Variants in CLSTN2 observed in about 807,000 individuals in gnomAD.
CLSTN2 encodes the protein calsyntenin 2.
CLSTN2 carries 48 observed loss-of-function variants against 101.2 expected under a neutral mutation model. The ratio of observed to expected loss-of-function variants is 0.47; its 90% CI spans 0.38 to 0.60. CLSTN2 has a LOEUF of 0.60. CLSTN2 is among the 20% of genes least tolerant of loss of function. The pLI is 0.00. For synonymous variants in CLSTN2, 481 were observed against 463.6 expected (o/e 1.04, Z -0.48); for missense variants, 1,160 against 1,238.2 (o/e 0.94, Z 0.95).
At chr3:140,491,712 C>T (rs929165569) in intron 8 of CLSTN2, among the ~76,000 whole-genome samples, 1 of 152,150 alleles carries the variant, frequency 6.6e-6, no homozygotes, top group Non-Finnish European at 1.5e-5. Flanking sequence ...GTCCCAGCTA[C>T]TCAGGAGGCT....
chr3:140,086,714 C>G (rs2008689455), intron 1 of CLSTN2, among the ~76,000 whole-genome samples: 1 of 152,182 alleles, frequency 6.6e-6, no homozygotes, highest in African/African-American at 2.4e-5. Context: ...CCCTGGATAT[C>G]ACTGTGTATC....
At chr3:140,020,678 T>C (rs1256993306) in intron 1 of CLSTN2, among the ~76,000 whole-genome samples, 1 of 152,066 alleles carries the variant, frequency 6.6e-6, no homozygotes, top group African/African-American at 2.4e-5. Flanking sequence ...AATAGCATCT[T>C]CTCCTCCCGC....
chr3:140,272,127 A>G (rs1179698917), intron 2 of CLSTN2, among the ~76,000 whole-genome samples: 1 of 152,142 alleles, frequency 6.6e-6, no homozygotes, highest in African/African-American at 2.4e-5. Flanking sequence ...ATAAAGGACA[A>G]CCTTCTCTAT....
intron 2 of CLSTN2, among the ~76,000 whole-genome samples, chr3:140,299,210 T>A (rs1351568321): frequency 6.6e-6 from 1 of 152,198 alleles, no homozygotes; most frequent in Non-Finnish European, 1.5e-5. Flanking sequence ...CAGCCCTGTC[T>A]AGGGAGGAAG....
At chr3:140,102,147 A>G (rs1391037098) in intron 1 of CLSTN2, among the ~76,000 whole-genome samples, 1 of 152,194 alleles carries the variant, frequency 6.6e-6, no homozygotes, top group African/African-American at 2.4e-5. Context: ...CTTCCTATAA[A>G]CTGCTGTCTA....
chr3:140,521,902 A>T (rs1302913667), intron 8 of CLSTN2, among the ~76,000 whole-genome samples: 1 of 152,084 alleles, frequency 6.6e-6, no homozygotes, highest in Non-Finnish European at 1.5e-5. Flanking sequence ...CCCTGGATAG[A>T]GCCCGCCTCC....
At chr3:140,494,228 G>A (rs1934405898) in intron 8 of CLSTN2, among the ~76,000 whole-genome samples, 1 of 152,074 alleles carries the variant, frequency 6.6e-6, no homozygotes, top group African/African-American at 2.4e-5. Context: ...CTCCTTCAAG[G>A]GTTCATCTTA....
At chr3:139,937,420 A>T (rs138714279) in intron 1 of CLSTN2, among the ~76,000 whole-genome samples, 7 of 152,124 alleles carry the variant, frequency 4.6e-5, no homozygotes, top group Admixed American at 1.3e-4. Context: ...GACTTAGAAC[A>T]TATTCATTTT....
chr3:140,536,848 GAAA>G (rs1403194801), intron 9 of CLSTN2, among the ~76,000 whole-genome samples: 6 of 152,224 alleles, frequency 3.9e-5, no homozygotes, highest in South Asian at 2.1e-4. Flanking sequence ...ACGTGAACCA[GAAA>G]GAGTGGAATC....
chr3:140,045,479 C>G (rs1469581644), intron 1 of CLSTN2, among the ~76,000 whole-genome samples: 1 of 152,096 alleles, frequency 6.6e-6, no homozygotes, highest in Non-Finnish European at 1.5e-5. Flanking sequence ...AAAACCAGCT[C>G]CTGGATTCAT....
intron 2 of CLSTN2, among the ~76,000 whole-genome samples, chr3:140,375,447 G>C (rs77002682): frequency 5.1e-4 from 77 of 152,286 alleles, no homozygotes; most frequent in South Asian, 8.3e-4. Context: ...TTATTCATGG[G>C]GACCCAGCCT....
At chr3:140,018,368 C>A (rs918464406) in intron 1 of CLSTN2, among the ~76,000 whole-genome samples, 2 of 152,200 alleles carry the variant, frequency 1.3e-5, no homozygotes, top group Admixed American at 1.3e-4. Context: ...GCAGTCTCTG[C>A]TGGTAGAAGT....
intron 2 of CLSTN2, among the ~76,000 whole-genome samples, chr3:140,233,727 C>G (rs905919509): frequency 2.6e-5 from 4 of 152,280 alleles, no homozygotes; most frequent in Admixed American, 1.3e-4. Context: ...CTTCCTTGCC[C>G]TCCACTGAAA....
Position 139,935,340 on chromosome 3 carries a change from G to C in CLSTN2, c.-35G>C, listed in dbSNP as rs1935000360. 2.6e-6 allele frequency: 3 copies of C among 1,144,724 alleles called. No homozygotes were observed. Among genetic ancestry groups the C allele is most frequent in the Non-Finnish European group, 3.3e-6 (3 of 910,532 alleles). The allele number at this position is 1,144,724 out of a possible 1,614,324, so 70.9% of individuals were successfully genotyped here. ...AGGCGAGAGCCGGCGCGGACAGTAGGCGGCGGCTGCAGCTCGTTGGCGGCT... is the reference window on the plus strand; with the variant it reads ...AGGCGAGAGCCGGCGCGGACAGTAGCCGGCGGCTGCAGCTCGTTGGCGGCT... On this transcript the variant is annotated 5_prime_UTR_variant, in exon 1 of 17. Transcript: ENST00000458420. The surrounding 1 kb of genome is among the most constrained non-coding windows in gnomAD (Gnocchi z 5.5).
At chr3:140,370,819 C>T (rs1198777229) in intron 2 of CLSTN2, among the ~76,000 whole-genome samples, 1 of 152,112 alleles carries the variant, frequency 6.6e-6, no homozygotes, top group East Asian at 1.9e-4. Context: ...ATGCTGGATG[C>T]ATAAGTACAC....
chr3:140,241,876 T>TACACACAC (rs747382201), intron 2 of CLSTN2, among the ~76,000 whole-genome samples: 1,923 of 139,956 alleles, frequency 0.014, 39 homozygotes, highest in South Asian at 0.049. Context: ...TACACATATA[T>TACACACAC]ATATACACAC....
At chr3:140,273,170 T>C (rs2086760289) in intron 2 of CLSTN2, among the ~76,000 whole-genome samples, 1 of 152,060 alleles carries the variant, frequency 6.6e-6, no homozygotes, top group Admixed American at 6.6e-5. Context: ...TTCCCTCTTC[T>C]TAAAAACATT....
At chr3:140,215,242 T>A (rs2010905845) in intron 2 of CLSTN2, among the ~76,000 whole-genome samples, 3 of 152,326 alleles carry the variant, frequency 2.0e-5, no homozygotes, top group South Asian at 2.1e-4. Flanking sequence ...TTTCTCCCTC[T>A]CTTCCTCTTC....
chr3:140,439,228 T>C (rs1207819537), intron 5 of CLSTN2, among the ~76,000 whole-genome samples: 2 of 152,210 alleles, frequency 1.3e-5, no homozygotes, highest in Non-Finnish European at 2.9e-5. Flanking sequence ...TGCAGTCTGC[T>C]CAGCAAGCTG....
Sources: allele counts gnomAD v4.1 joint callset (sites outside exome capture counted in the v4.1 genomes callset), GRCh38; gene constraint gnomAD v4.1.1; non-coding constraint Gnocchi (gnomAD v3.1); transcripts MANE v1.5; gene names NCBI Gene and HGNC (gene_info 2026-07-23, HGNC 2026-07-21).